Variants in SLC38A12 observed in about 807,000 individuals in gnomAD.
SLC38A12 encodes the protein solute carrier family 38 member 12.
the SLC38A12 span, among the ~76,000 whole-genome samples, chr17:74,825,172 T>C: frequency 6.6e-6 from 1 of 152,182 alleles, no homozygotes; most frequent in South Asian, 2.1e-4. Flanking sequence ...GACAGCCTCA[T>C]GTGCCAGCAC....
the SLC38A12 span, chr17:74,835,934 C>A: frequency 3.1e-6 from 5 of 1,599,406 alleles, no homozygotes; most frequent in Middle Eastern, 1.7e-4. Context: ...CAGCTTTCGC[C>A]GTCATGATTG....
chr17:74,814,204 G>C, the SLC38A12 span, among the ~76,000 whole-genome samples: 2 of 152,168 alleles, frequency 1.3e-5, no homozygotes, highest in African/African-American at 4.8e-5. Flanking sequence ...TTCTTTGTGG[G>C]GACCTTGGAG....
chr17:74,777,499 T>C, the SLC38A12 span: 72,329 of 1,557,328 alleles, frequency 0.046, 1,910 homozygotes, highest in Middle Eastern at 0.07. Context: ...GGAAGCAGGA[T>C]GGGGGAGTTC....
At chr17:74,836,872 C>G in the SLC38A12 span, 1 of 1,393,254 alleles carries the variant, frequency 7.2e-7, no homozygotes, top group African/African-American at 1.5e-5. The surrounding 1 kb of genome is among the most constrained non-coding windows in gnomAD (Gnocchi z 4.2). Flanking sequence ...TGCACCTGTC[C>G]TCACTCCCCC....
At chr17:74,792,212 A>C in the SLC38A12 span, among the ~76,000 whole-genome samples, 1 of 152,166 alleles carries the variant, frequency 6.6e-6, no homozygotes, top group Admixed American at 6.5e-5. Context: ...GCACTTTGGG[A>C]GGCCGAGGCA....
chr17:74,795,154 G>A, the SLC38A12 span: 3 of 1,531,116 alleles, frequency 2.0e-6, no homozygotes, highest in Non-Finnish European at 2.7e-6. Context: ...AGCCAAAGGG[G>A]CTTCCTCAGC....
the SLC38A12 span, among the ~76,000 whole-genome samples, chr17:74,786,840 C>G: frequency 6.6e-6 from 1 of 152,144 alleles, no homozygotes; most frequent in African/African-American, 2.4e-5. Flanking sequence ...TCTAGAAGTC[C>G]TTGTCCTTAC....
chr17:74,832,195 T>C, the SLC38A12 span, among the ~76,000 whole-genome samples: 1 of 151,922 alleles, frequency 6.6e-6, no homozygotes, highest in Non-Finnish European at 1.5e-5. Flanking sequence ...CTTCCTCCCT[T>C]CCTTCCTCCT....
chr17:74,799,751 A>T, the SLC38A12 span, among the ~76,000 whole-genome samples: 1 of 152,144 alleles, frequency 6.6e-6, no homozygotes, highest in South Asian at 2.1e-4. Context: ...TCCCTCTCAC[A>T]TGGCAACACT....
chr17:74,837,216 G>A, the SLC38A12 span: 1 of 985,732 alleles, frequency 1.0e-6, no homozygotes, highest in South Asian at 4.7e-5. Flanking sequence ...CCTCCCACCA[G>A]GCCTGGGAGG....
chr17:74,831,076 G>A, the SLC38A12 span, among the ~76,000 whole-genome samples: 6 of 152,222 alleles, frequency 3.9e-5, no homozygotes, highest in East Asian at 1.9e-4. Flanking sequence ...GGGTCGGAAC[G>A]GCTCCGAAAG....
the SLC38A12 span, among the ~76,000 whole-genome samples, chr17:74,786,399 C>T: frequency 6.6e-6 from 1 of 152,236 alleles, no homozygotes; most frequent in Non-Finnish European, 1.5e-5. Context: ...GTGCACCAAG[C>T]ACCCTTCTGG....
chr17:74,803,640 C>G, the SLC38A12 span, among the ~76,000 whole-genome samples: 1 of 152,202 alleles, frequency 6.6e-6, no homozygotes, highest in Non-Finnish European at 1.5e-5. Flanking sequence ...GGGATAAAAA[C>G]CCGGTGTGCC....
chr17:74,835,905 A>C, the SLC38A12 span: 1 of 1,577,832 alleles, frequency 6.3e-7, no homozygotes, highest in East Asian at 2.3e-5. Flanking sequence ...CCACCAGGTG[A>C]CTCCTCTCTC....
the SLC38A12 span, among the ~76,000 whole-genome samples, chr17:74,832,037 C>T: frequency 6.6e-6 from 1 of 152,072 alleles, no homozygotes; most frequent in Non-Finnish European, 1.5e-5. Context: ...TTGAACTTTG[C>T]TCCTCCCGCA....
At chr17:74,816,673 T>C in the SLC38A12 span, among the ~76,000 whole-genome samples, 4 of 152,040 alleles carry the variant, frequency 2.6e-5, no homozygotes, top group Admixed American at 6.5e-5. Context: ...AGTTTTCTTT[T>C]TTCGTTTTTT....
chr17:74,777,235 A>T, the SLC38A12 span: 3 of 1,418,528 alleles, frequency 2.1e-6, no homozygotes, highest in South Asian at 3.5e-5. Context: ...AGTCCATCAG[A>T]TAGGTGAAGC....
the SLC38A12 span, among the ~76,000 whole-genome samples, chr17:74,805,892 G>T: frequency 6.6e-6 from 1 of 152,234 alleles, no homozygotes; most frequent in African/African-American, 2.4e-5. The surrounding 1 kb of genome is among the most constrained non-coding windows in gnomAD (Gnocchi z 5.0). Context: ...GGGCAACAGA[G>T]GGCGATGGCA....
At chr17:74,818,508 T>C in the SLC38A12 span, among the ~76,000 whole-genome samples, 1 of 141,856 alleles carries the variant, frequency 7.0e-6, no homozygotes, top group Admixed American at 6.9e-5. Flanking sequence ...GCCCTCCTTA[T>C]GGCCAGAGGT....
Sources: gnomAD v4.1 joint callset for allele counts (sites outside exome capture counted in the v4.1 genomes callset) on GRCh38, gnomAD v4.1.1 for gene constraint, Gnocchi (gnomAD v3.1) non-coding constraint, MANE v1.5 for transcripts, NCBI Gene and HGNC (gene_info 2026-07-23, HGNC 2026-07-21) for gene names.